Variants in DOP1B observed in about 807,000 individuals in gnomAD.
DOP1B encodes the protein protein DOP1B.
A neutral mutation model predicts 233.5 loss-of-function variants in DOP1B; 174 were observed. That is an observed-to-expected ratio of 0.75 (90% CI 0.66 to 0.85). The LOEUF (loss-of-function observed/expected upper bound fraction) is 0.85. Among genes scored for constraint, DOP1B ranks in the 40% least tolerant of loss-of-function variants. The pLI is 0.00. For missense variants in DOP1B, 2,652 were observed against 2,846.6 expected (o/e 0.93, Z 1.56); for synonymous variants, 1,190 against 1,185.6 (o/e 1.00, Z -0.08).
At chr21:36,159,308 G>A (rs922627737) in intron 1 of DOP1B, among the ~76,000 whole-genome samples, 3 of 151,110 alleles carry the variant, frequency 2.0e-5, no homozygotes, top group African/African-American at 4.9e-5. Context: ...AAAATTAGCC[G>A]GGCGTGGTGG....
rs760312473 is a variant in DOP1B, at chr21:36,200,188, C to T, written c.321-143C>T. 5.5e-6 allele frequency: 6 copies of T among 1,086,742 alleles called. No individual in the cohort carries two copies. In the Admixed American group the frequency reaches 1.5e-4, roughly 26 times the overall value. 67.3% of individuals were successfully genotyped at this position (1,086,742 alleles called of 1,614,324 possible). A position where few individuals can be genotyped will look rare whatever the true frequency, so the allele number is the denominator to read the frequency against. Reference sequence around the variant, plus strand: ...TTACGTAACAGTGTTTTGTGACCATCTCATGTCATACCCACACATCGAAAC... The same window carrying T: ...TTACGTAACAGTGTTTTGTGACCATTTCATGTCATACCCACACATCGAAAC... On this transcript the variant is annotated intron_variant, in intron 3 of 36. Transcript: ENST00000691173.
In DOP1B at chr21:36,219,406, C is replaced by T. The variant is rs141115220; in HGVS notation, c.1164C>T (p.Val388=). 2 of 1,614,054 alleles carry T rather than the reference C, an allele frequency of 1.2e-6. No individual in the cohort carries two copies. Among genetic ancestry groups the T allele is most frequent in the African/African-American group, 2.7e-5 (2 of 74,940 alleles). Residue 388 remains valine (V), a synonymous_variant, in exon 10 of 37, where the codon GTC becomes GTT. Transcript: ENST00000691173. ...PQVVGNLFLE[V]IRAFYSYCRD... ...TGGTTGGGAATTTGTTTCTCGAAGT[C>T]ATCAGGGCCTTTTATTCTTACTGCA...
intron 2 of DOP1B, among the ~76,000 whole-genome samples, chr21:36,194,473 TTCTCTC>T (rs201416655): frequency 7.4e-6 from 1 of 135,428 alleles, no homozygotes; most frequent in Admixed American, 7.9e-5. Context: ...TTTGCTGCAT[TTCTCTC>T]TCTCTCTCTT....
intron 21 of DOP1B, among the ~76,000 whole-genome samples, chr21:36,249,456 CG>C (rs1474152322): frequency 1.3e-5 from 2 of 151,990 alleles, no homozygotes; most frequent in Non-Finnish European, 2.9e-5. Context: ...TGGTTCAAAG[CG>C]GGGATACCTA....
intron 2 of DOP1B, among the ~76,000 whole-genome samples, chr21:36,167,771 A>G (rs1197694372): frequency 9.9e-5 from 15 of 151,752 alleles, no homozygotes; most frequent in Admixed American, 9.8e-4. Flanking sequence ...TTCCATGGAA[A>G]TGGAATCATA....
Position 36,228,980 on chromosome 21 carries a change from A to AT in DOP1B, c.1665+1108dup, listed in dbSNP as rs577645600. On this transcript the variant is annotated intron_variant, in intron 13 of 36. Coordinates refer to ENST00000691173, the MANE Select transcript of DOP1B (RefSeq NM_001320714.2). ...CAAGACCCTGTCTCTACAAAAAAAA[A>AT]TTTTTAAGTTTAGCACCCTTTGTTT... Among the ~76,000 whole-genome samples the AT allele has an allele frequency of 2.6e-5, 4 of 151,924 alleles. No homozygotes were observed. The East Asian group carries it at 7.7e-4, about 29-fold the overall frequency.
chr21:36,180,954 A>G (rs2066092089), intron 2 of DOP1B, among the ~76,000 whole-genome samples: 1 of 152,082 alleles, frequency 6.6e-6, no homozygotes, highest in South Asian at 2.1e-4. Flanking sequence ...CTGTTCCTCA[A>G]GTATATTAAG....
At chr21:36,230,421 C>G (rs758187812) in intron 13 of DOP1B, 29 bp from the exon 14 acceptor site, 1 of 1,578,056 alleles carries the variant, frequency 6.3e-7, no homozygotes. Context: ...TTAAGAGATG[C>G]ACAATTCACA....
In DOP1B at chr21:36,169,293, T is replaced by C. The variant is rs953053401; in HGVS notation, c.138+4422T>C. The C allele has an allele frequency of 6.3e-5, 50 of 799,518 alleles. No individual in the cohort carries two copies. In the African/African-American group the frequency reaches 7.2e-4, roughly 11 times the overall value. The allele number at this position is 799,518 out of a possible 1,614,324, so 49.5% of individuals were successfully genotyped here. A position where few individuals can be genotyped will look rare whatever the true frequency, so the allele number is the denominator to read the frequency against. On this transcript the variant is annotated intron_variant, in intron 2 of 36. Coordinates refer to ENST00000691173, the MANE Select transcript of DOP1B (RefSeq NM_001320714.2). ...GTGGAGGCATTGTTCTTGATCGGTT[T>C]GCTGTCCTCAGTAAGGTAGCCCTGG...
Position 36,292,155 on chromosome 21 carries a change from G to T in DOP1B, c.6567G>T (p.Leu2189=). The part of the protein sequence containing the change: ...PEVDTEGPAF[L]SDVEENHQEC... ...TGGACACAGAGGGCCCTGCCTTCCT[G>T]TCGGATGTAGAGGAGAATCACCAAG... The change falls in exon 36 of 37, where the codon CTG becomes CTT. Residue 2189 remains leucine (L), a synonymous_variant. Transcript: ENST00000691173. The T allele has an allele frequency of 6.2e-7, 1 of 1,612,082 alleles. No individual in the cohort carries two copies.
At chr21:36,276,411 C>T (rs977680802) in intron 27 of DOP1B, among the ~76,000 whole-genome samples, 3 of 151,950 alleles carry the variant, frequency 2.0e-5, no homozygotes, top group Non-Finnish European at 4.4e-5. Flanking sequence ...TGTGCCTGTG[C>T]CCCCAGCTAC....
chr21:36,205,206 C>T lies in DOP1B; in HGVS notation c.492-3509C>T, dbSNP rs192268022. Among the ~76,000 whole-genome samples the T allele has an allele frequency of 2.4e-3, 367 of 152,296 alleles. 1 individual carries two copies. Among genetic ancestry groups the T allele is most frequent in the African/African-American group, 8.1e-3 (337 of 41,550 alleles). The stretch of plus-strand genomic sequence containing the variant: ...AAAGTTGTGGAGTGCTTGGGATTTG[C>T]GGTGCCCGGCCCATGCCACTCACCT... On this transcript the variant is annotated intron_variant, in intron 4 of 36. Coordinates refer to ENST00000691173, the MANE Select transcript of DOP1B (RefSeq NM_001320714.2).
intron 4 of DOP1B, among the ~76,000 whole-genome samples, chr21:36,203,655 A>G (rs1318383912): frequency 6.6e-6 from 1 of 150,796 alleles, no homozygotes. Flanking sequence ...GGGGGGGGTC[A>G]TGATGAGCAC....
chr21:36,162,241 C>G (rs567172775), intron 1 of DOP1B, among the ~76,000 whole-genome samples: 5 of 152,324 alleles, frequency 3.3e-5, no homozygotes, highest in African/African-American at 1.2e-4. Flanking sequence ...GTTGCCCAGA[C>G]TGGAGTGCAG....
chr21:36,180,169 A>G (rs1226459593), intron 2 of DOP1B, among the ~76,000 whole-genome samples: 3 of 152,190 alleles, frequency 2.0e-5, no homozygotes, highest in Admixed American at 6.5e-5. Flanking sequence ...TATTGATATT[A>G]ACCATTATAG....
intron 2 of DOP1B, among the ~76,000 whole-genome samples, chr21:36,176,949 G>C (rs1819619039): frequency 6.6e-6 from 1 of 152,140 alleles, no homozygotes; most frequent in Non-Finnish European, 1.5e-5. Context: ...CTCCTGAGTA[G>C]CTGGGATCAC....
chr21:36,254,821 A>G (rs187305104), intron 23 of DOP1B, among the ~76,000 whole-genome samples: 2 of 152,094 alleles, frequency 1.3e-5, no homozygotes, highest in African/African-American at 4.8e-5. Context: ...CTAGGGATCC[A>G]TGCTAGTGTT....
At chr21:36,271,241 G>A (rs770504596) in intron 27 of DOP1B, among the ~76,000 whole-genome samples, 13 of 141,898 alleles carry the variant, frequency 9.2e-5, no homozygotes, top group Non-Finnish European at 1.8e-4. Flanking sequence ...ACAGAGTCTC[G>A]CTCTGTCACC....
intron 4 of DOP1B, 26 bp from the exon 5 acceptor site, chr21:36,208,689 T>C: frequency 3.7e-6 from 6 of 1,606,516 alleles, no homozygotes; most frequent in Non-Finnish European, 4.3e-6. Context: ...GGCGAGCCCT[T>C]GAACCCTATC....
Sources: gnomAD v4.1 joint callset for allele counts (sites outside exome capture counted in the v4.1 genomes callset) on GRCh38, gnomAD v4.1.1 for gene constraint, MANE v1.5 for transcripts, NCBI Gene and HGNC (gene_info 2026-07-23, HGNC 2026-07-21) for gene names.